NAV2: variants seen among roughly 807,000 people sequenced by gnomAD.
NAV2 encodes neuron navigator 2.
NAV2 carries 54 observed loss-of-function variants against 223.2 expected under a neutral mutation model. That is an observed-to-expected ratio of 0.24 (90% CI 0.19 to 0.30). NAV2 has a LOEUF of 0.30. NAV2 is among the 10% of genes least tolerant of loss of function. The pLI, the probability that NAV2 is intolerant of heterozygous loss-of-function variation, is 1.00. For missense variants in NAV2, 2,806 were observed against 3,147.5 expected (o/e 0.89, Z 2.60); for synonymous variants, 1,279 against 1,239.3 (o/e 1.03, Z -0.67).
intron 1 of NAV2, among the ~76,000 whole-genome samples, chr11:19,723,501 T>G (rs2050942857): frequency 6.6e-6 from 1 of 152,220 alleles, no homozygotes; most frequent in Non-Finnish European, 1.5e-5. Context: ...GAGCTACTGC[T>G]TTAGATAATC....
At position 20,093,130 on chromosome 11, in the gene NAV2, G is replaced by A. The variant is rs747745856; in HGVS notation, c.5847G>A (p.Ser1949=). The change falls in exon 29 of 38, where the codon TCG becomes TCA. Residue 1949 remains serine, a synonymous_variant. Coordinates refer to ENST00000349880, the MANE Select transcript of NAV2 (RefSeq NM_145117.5). ...TGCTGGATGACACTGGTGAATGCTCGGCTCGGAAGGAAGGAGGCAGGCATG... is the reference window on the plus strand; with the variant it reads ...TGCTGGATGACACTGGTGAATGCTCAGCTCGGAAGGAAGGAGGCAGGCATG... ...DMLLDDTGEC[S]ARKEGGRHVK... is the part of the protein sequence containing the mutation. 81 of 1,613,864 alleles carry A rather than the reference G, an allele frequency of 5.0e-5. No homozygotes were observed. Among genetic ancestry groups the A allele is most frequent in the East Asian group, 3.3e-4 (15 of 44,880 alleles).
At chr11:19,611,878 G>C (rs1324505992) in intron 1 of NAV2, among the ~76,000 whole-genome samples, 1 of 152,252 alleles carries the variant, frequency 6.6e-6, no homozygotes, top group Non-Finnish European at 1.5e-5. Flanking sequence ...CAGTGCCCCA[G>C]TAAGGACTCT....
chr11:20,108,569 A>G (rs1211659305), intron 36 of NAV2, among the ~76,000 whole-genome samples: 1 of 150,448 alleles, frequency 6.6e-6, no homozygotes, highest in East Asian at 1.9e-4. Flanking sequence ...CAGCCTCCCA[A>G]GTAGCTGGGA....
At chr11:19,682,462 C>T (rs1400847502) in intron 1 of NAV2, among the ~76,000 whole-genome samples, 1 of 152,250 alleles carries the variant, frequency 6.6e-6, no homozygotes, top group Non-Finnish European at 1.5e-5. Flanking sequence ...GCTTTATATA[C>T]ATAGCCCCAT....
intron 20 of NAV2, among the ~76,000 whole-genome samples, chr11:20,066,724 GTCA>G (rs768327913): frequency 1.3e-5 from 2 of 152,178 alleles, no homozygotes; most frequent in Admixed American, 6.5e-5. Flanking sequence ...TGACATCAGG[GTCA>G]GATGCTGATT....
At chr11:19,903,026 T>G (rs1431843243) in intron 6 of NAV2, among the ~76,000 whole-genome samples, 1 of 152,196 alleles carries the variant, frequency 6.6e-6, no homozygotes, top group African/African-American at 2.4e-5. Context: ...AATGTGCACT[T>G]GGCTGCCTCT....
At chr11:19,355,480 A>G (rs1325995169) in intron 1 of NAV2, among the ~76,000 whole-genome samples, 1 of 152,052 alleles carries the variant, frequency 6.6e-6, no homozygotes, top group Non-Finnish European at 1.5e-5. Context: ...ATATACTATC[A>G]TATTTGCCCC....
intron 18 of NAV2, 82 bp downstream of exon 18, chr11:20,054,322 C>G (rs1769821168): frequency 2.2e-6 from 3 of 1,363,846 alleles, no homozygotes; most frequent in Admixed American, 6.5e-5. Context: ...ATTTTTATTT[C>G]AATAGTTTTT....
At position 20,012,711 on chromosome 11, in the gene NAV2, CA is replaced by C. The variant is rs1471439712; in HGVS notation, c.2769-23247del. On this transcript the variant is annotated intron_variant, in intron 11 of 37. Coordinates refer to ENST00000349880, the MANE Select transcript of NAV2 (RefSeq NM_145117.5). ...AAAAAAGAAGGGGGAAAAGAGCGAC[CA>C]GGGGATAGGGTTGTTGTCAATACAC... is the stretch of plus-strand genomic sequence containing the variant. Among the ~76,000 whole-genome samples the C allele has an allele frequency of 8.8e-4, 133 of 151,160 alleles. No individual in the cohort carries two copies. In the Middle Eastern group the frequency reaches 0.017, roughly 20 times the overall value.
At chr11:19,427,085 CTCAA>C (rs1850861537) in intron 1 of NAV2, among the ~76,000 whole-genome samples, 1 of 152,258 alleles carries the variant, frequency 6.6e-6, no homozygotes, top group Non-Finnish European at 1.5e-5. Flanking sequence ...TTTCCTTTGA[CTCAA>C]TCAATGAAAA....
chr11:19,945,196 CCTTCCCTTT>C (rs1555162968), intron 8 of NAV2, among the ~76,000 whole-genome samples: 3 of 83,764 alleles, frequency 3.6e-5, no homozygotes, highest in African/African-American at 1.8e-4. Context: ...CCTTCCCTTC[CCTTCCCTTT>C]CTTTCCTTTC....
intron 1 of NAV2, among the ~76,000 whole-genome samples, chr11:19,830,042 T>C (rs1429728602): frequency 6.6e-6 from 1 of 152,104 alleles, no homozygotes; most frequent in East Asian, 1.9e-4. Flanking sequence ...CTGGCCAACA[T>C]GGTGAAGCCT....
chr11:19,761,409 T>C (rs2054722477), intron 1 of NAV2, among the ~76,000 whole-genome samples: 1 of 152,182 alleles, frequency 6.6e-6, no homozygotes, highest in South Asian at 2.1e-4. Context: ...AGTTGAATGA[T>C]ATGCTCAGGA....
chr11:19,993,600 C>T (rs758949197), intron 11 of NAV2, among the ~76,000 whole-genome samples: 22 of 152,144 alleles, frequency 1.4e-4, no homozygotes, highest in Admixed American at 2.6e-4. Flanking sequence ...ATTTAACCAA[C>T]GCCTTATCAT....
At chr11:20,098,199 A>G (rs1454346428) in intron 31 of NAV2, among the ~76,000 whole-genome samples, 1 of 152,100 alleles carries the variant, frequency 6.6e-6, no homozygotes, top group Admixed American at 6.6e-5. Context: ...CCAGTTTCTC[A>G]TTACCTAGTG....
chr11:19,891,560 A>G (rs765215498), intron 5 of NAV2, among the ~76,000 whole-genome samples: 1 of 152,208 alleles, frequency 6.6e-6, no homozygotes, highest in South Asian at 2.1e-4. Flanking sequence ...CCAGTTTTAC[A>G]GGAAGAATAT....
chr11:19,963,191 G>A (rs1411729634), intron 10 of NAV2, among the ~76,000 whole-genome samples: 1 of 152,184 alleles, frequency 6.6e-6, no homozygotes, highest in African/African-American at 2.4e-5. Context: ...TAGGCACTGT[G>A]TTGAGCTCTT....
intron 1 of NAV2, among the ~76,000 whole-genome samples, chr11:19,669,298 C>G (rs565860423): frequency 3.7e-4 from 57 of 152,368 alleles, no homozygotes; most frequent in African/African-American, 1.3e-3. Context: ...TTTCATCTCA[C>G]TGAATACTTT....
rs749179787 is a variant in NAV2 at position 19,649,464 on chromosome 11, T to A, written c.76-183020T>A. On this transcript the variant is annotated intron_variant, in intron 1 of 37. Transcript: ENST00000360655. Reference sequence around the variant, plus strand: ...ATTTGTTTCTCACAGTTCTGGAGGCTGGAAGGTCAAGATCAAGATGTGGCA... The same window carrying A: ...ATTTGTTTCTCACAGTTCTGGAGGCAGGAAGGTCAAGATCAAGATGTGGCA... Among the ~76,000 whole-genome samples, 21 of 152,326 alleles carry A rather than the reference T, an allele frequency of 1.4e-4. 1 individual carries two copies. Among genetic ancestry groups the A allele is most frequent in the Middle Eastern group, 3.4e-3 (1 of 294 alleles).
Sources: gnomAD v4.1 joint callset for allele counts (sites outside exome capture counted in the v4.1 genomes callset) on GRCh38, gnomAD v4.1.1 for gene constraint, MANE v1.5 for transcripts, NCBI Gene and HGNC (gene_info 2026-07-23, HGNC 2026-07-21) for gene names.